ZNF117: variants seen among roughly 807,000 people sequenced by gnomAD.
ZNF117 encodes the protein zinc finger protein 117.
In ZNF117, 37 loss-of-function variants were observed where a neutral mutation model predicts 41.2. That is an observed-to-expected ratio of 0.90 (90% CI 0.69 to 1.18). ZNF117 has a LOEUF of 1.18. Ranked by LOEUF, ZNF117 falls within the 50% of genes most tolerant of loss-of-function variation. The pLI is 0.00. For missense variants in ZNF117, 546 were observed against 557.5 expected (o/e 0.98, Z 0.21); for synonymous variants, 186 against 186.6 (o/e 1.00, Z 0.02).
downstream of ZNF117, chr7:64,973,571 T>C (rs1584042532): frequency 6.6e-6 from 1 of 151,996 alleles, no homozygotes; most frequent in East Asian, 1.9e-4. Context: ...GAAAGTTATA[T>C]TGATAAGTAC....
rs114592787 is a variant in ZNF117 at position 64,990,458 on chromosome 7, A to G, written c.-707T>C. On this transcript the variant is annotated 5_prime_UTR_variant, in exon 1 of 4. An upstream start codon of the reference 5' UTR is lost. Coordinates refer to the ZNF117 transcript ENST00000282869. ...GACAGGGCTTGACTTTTATACATGC[A>G]TCAGGCAGGGGCAAGTCGGGTTTTT... 7.7e-3 allele frequency: 1,427 copies of G among 185,130 alleles called. 18 individuals are homozygous for G. Among genetic ancestry groups the G allele is most frequent in the African/African-American group, 0.032 (1,348 of 41,690 alleles). 11.5% of individuals were successfully genotyped at this position (185,130 alleles called of 1,614,324 possible). A position where few individuals can be genotyped will look rare whatever the true frequency, so the allele number is the denominator to read the frequency against.
At chr7:64,987,627 C>A (rs1442274816) in intron 1 of ZNF117, among the ~76,000 whole-genome samples, 2 of 151,962 alleles carry the variant, frequency 1.3e-5, no homozygotes, top group Non-Finnish European at 2.9e-5. Context: ...CACAAGAATA[C>A]AAATAACTGT....
chr7:64,974,077 T>C (rs1785825147), downstream of ZNF117: 2 of 151,786 alleles, frequency 1.3e-5, no homozygotes, highest in Admixed American at 6.6e-5. Flanking sequence ...AATAAATAAA[T>C]TTACTTATGT....
chr7:64,974,005 T>TAG (rs890738715), downstream of ZNF117: 4 of 151,910 alleles, frequency 2.6e-5, no homozygotes, highest in Admixed American at 2.6e-4. Flanking sequence ...CATATATATA[T>TAG]AAAAACATCC....
rs754041582 is a variant in ZNF117, at chr7:64,978,469, TG to T, written c.1101del (p.Ala369ProfsTer13). On this transcript the variant is annotated frameshift_variant, in exon 3 of 3. Coordinates refer to ENST00000620222, the Ensembl canonical transcript of ZNF117. LOFTEE classifies it high-confidence loss of function. ...AGGGCTGAGGACTGGTTAAAGGCTT[TG>T]CCACATTCTCCACATTTGTAGGGTT... 1 of 1,613,544 alleles carries T rather than the reference TG, an allele frequency of 6.2e-7. No individual in the cohort carries two copies. Among genetic ancestry groups the T allele is most frequent in the African/African-American group, 1.3e-5 (1 of 74,878 alleles).
At chr7:64,982,564 C>CT (rs557115062), upstream of ZNF117, among the ~76,000 whole-genome samples, 23 of 152,166 alleles carry the variant, frequency 1.5e-4, no homozygotes, top group South Asian at 4.8e-3. Context: ...CTGGAACAGT[C>CT]TGATATTCTA....
chr7:64,985,244 C>A (rs943316280), upstream of ZNF117, among the ~76,000 whole-genome samples: 12 of 152,184 alleles, frequency 7.9e-5, no homozygotes, highest in Non-Finnish European at 1.6e-4. Flanking sequence ...TAAATATAAA[C>A]CAAAGCACAA....
chr7:64,982,021 C>T lies in ZNF117; in HGVS notation c.-100G>A, dbSNP rs1168828958. 2 of 785,772 alleles carry T rather than the reference C, an allele frequency of 2.5e-6. No homozygotes were observed. The highest frequency in any genetic ancestry group is 3.5e-5 in the African/African-American group (2 of 57,022). The allele number at this position is 785,772 out of a possible 1,614,324, so 48.7% of individuals were successfully genotyped here. ...AAACCAGGTTTCTGTAGTTCTCTCA[C>T]ATCACATGCCTATATAAATTCTGCT... On this transcript the variant is annotated 5_prime_UTR_variant, in exon 1 of 3. In the 5' UTR this introduces an upstream ATG that the reference lacks. Transcript: ENST00000620222.
exon 3 of ZNF117, chr7:64,975,139 A>G (rs1425775941): frequency 6.6e-6 from 1 of 151,948 alleles, no homozygotes; most frequent in African/African-American, 2.4e-5. Flanking sequence ...ATCTTTTACC[A>G]ACACCCTTGA....
Position 64,978,513 on chromosome 7 carries a change from A to G in ZNF117, c.1058T>C (p.Val353Ala), listed in dbSNP as rs768557971. The G allele has an allele frequency of 8.1e-6, 13 of 1,609,102 alleles. No homozygotes were observed. In the African/African-American group the frequency reaches 1.8e-4, roughly 22 times the overall value. The change falls in exon 3 of 3, where the codon GTA becomes GCA. Residue 353 changes from valine to alanine, a missense_variant. Val to Ala is a moderately conservative substitution (Grantham distance 64). Coordinates refer to ENST00000620222, the Ensembl canonical transcript of ZNF117. ...GTAGGGTTTCTCTCCAGTATGAATT[A>G]CCTTATGTCTAGTAAGGTTTGAGAG...
At position 64,979,390 on chromosome 7, in the gene ZNF117, G is replaced by A; in HGVS notation, c.181C>T (p.Gln61Ter). The change falls in exon 3 of 3, where the codon CAG becomes TAG. Residue 61 changes from glutamine (Q) to a stop codon, truncating the protein, a stop_gained. Transcript: ENST00000620222. LOFTEE classifies it high-confidence loss of function. ...AGTCCACTATAATCTCCTTTGTGCT[G>A]TTTACACTCAACCACACTTTTACAG... is the stretch of plus-strand genomic sequence containing the variant. 4 of 1,609,702 alleles carry A rather than the reference G, an allele frequency of 2.5e-6. No individual in the cohort carries two copies. The highest frequency in any genetic ancestry group is 1.7e-4 in the Middle Eastern group (1 of 6,020).
At chr7:64,974,332 C>T (rs1197699235), downstream of ZNF117, 1 of 151,654 alleles carries the variant, frequency 6.6e-6, no homozygotes, top group Non-Finnish European at 1.5e-5. Flanking sequence ...ATAGGTCTAG[C>T]ATGACTAACA....
At chr7:64,984,580 C>A (rs773941219), upstream of ZNF117, among the ~76,000 whole-genome samples, 1 of 152,024 alleles carries the variant, frequency 6.6e-6, no homozygotes, top group Admixed American at 6.6e-5. Flanking sequence ...TCATGCTTAC[C>A]TATAATTAAC....
rs761770225 is a variant in ZNF117, at chr7:64,979,030, T to C, written c.541A>G (p.Ile181Val). The change falls in exon 3 of 3, where the codon ATT becomes GTT. Residue 181 changes from isoleucine (I) to valine (V), a missense_variant. Physicochemically the swap from Ile to Val is conservative, Grantham distance 29. Transcript: ENST00000620222. Reference sequence around the variant, plus strand: ...TCAGTATGAATTCTCTTATGTCTAATAAGGTGTGAGGTCTGGTTAAAGGCT... The same window carrying C: ...TCAGTATGAATTCTCTTATGTCTAACAAGGTGTGAGGTCTGGTTAAAGGCT... 6.8e-6 allele frequency: 11 copies of C among 1,613,248 alleles called. 1 individual carries two copies. In the South Asian group the frequency reaches 1.2e-4, roughly 18 times the overall value.
exon 1 of ZNF117, chr7:64,990,986 G>C (rs1786249550): frequency 2.5e-6 from 1 of 403,410 alleles, no homozygotes; most frequent in Non-Finnish European, 4.4e-6. Context: ...ACTTCAAGAG[G>C]AAGTAGCTCT....
upstream of ZNF117, among the ~76,000 whole-genome samples, chr7:64,983,355 G>A (rs79679588): frequency 7.6e-3 from 1,155 of 152,218 alleles, 13 homozygotes; most frequent in African/African-American, 0.025. Flanking sequence ...AGATTTCTAC[G>A]TGGCATATAA....
chr7:64,976,109 C>G (rs1019393793), exon 3 of ZNF117: 2 of 151,990 alleles, frequency 1.3e-5, no homozygotes, highest in African/African-American at 4.8e-5. Context: ...CTTTATGTAC[C>G]TAATGTTTGT....
chr7:64,987,302 T>C (rs1786155921), intron 1 of ZNF117, among the ~76,000 whole-genome samples: 1 of 152,104 alleles, frequency 6.6e-6, no homozygotes, highest in Non-Finnish European at 1.5e-5. Flanking sequence ...AAGGCAGTGT[T>C]AAAAGAAGAA....
exon 3 of ZNF117, chr7:64,978,277 G>T: frequency 6.3e-7 from 1 of 1,595,474 alleles, no homozygotes; most frequent in Non-Finnish European, 8.6e-7. Flanking sequence ...TGTCCAATAA[G>T]GGTTGAAGAT....
Sources: allele counts gnomAD v4.1 joint callset (sites outside exome capture counted in the v4.1 genomes callset), GRCh38; gene constraint gnomAD v4.1.1; transcripts MANE v1.5; gene names NCBI Gene and HGNC (gene_info 2026-07-23, HGNC 2026-07-21).